ADGRB1: variants seen among roughly 807,000 people sequenced by gnomAD.
The protein encoded by ADGRB1 is adhesion G protein-coupled receptor B1.
Under a neutral mutation model 175.7 loss-of-function variants are expected in ADGRB1, and 36 were observed. The observed-to-expected ratio is 0.20, with a 90% confidence interval of 0.16 to 0.27. The LOEUF is 0.27. ADGRB1 is among the 10% of genes least tolerant of loss of function. The pLI is 1.00. For synonymous variants in ADGRB1, 1,054 were observed against 979.4 expected (o/e 1.08, Z -1.42); for missense variants, 1,731 against 2,255.3 (o/e 0.77, Z 4.71).
At chr8:142,534,186 C>T (rs1365977731) in intron 25 of ADGRB1, among the ~76,000 whole-genome samples, 1 of 152,220 alleles carries the variant, frequency 6.6e-6, no homozygotes, top group Non-Finnish European at 1.5e-5. Flanking sequence ...TGGAGACAGC[C>T]CAGGCTTCGG....
At chr8:142,508,689 G>A (rs946483233) in intron 17 of ADGRB1, among the ~76,000 whole-genome samples, 4 of 152,206 alleles carry the variant, frequency 2.6e-5, no homozygotes, top group African/African-American at 4.8e-5. Context: ...TGGAGCCTGC[G>A]AAGGTCACGT....
chr8:142,457,173 G>T (rs978745581), intron 1 of ADGRB1, among the ~76,000 whole-genome samples: 1 of 152,202 alleles, frequency 6.6e-6, no homozygotes, highest in Middle Eastern at 3.2e-3. Context: ...GTCTGGGACA[G>T]TTGGGTAAGA....
chr8:142,464,503 A>T lies in ADGRB1; in HGVS notation c.305A>T (p.Tyr102Phe), dbSNP rs1276891113. 2 of 1,580,020 alleles carry T rather than the reference A, an allele frequency of 1.3e-6. No individual in the cohort carries two copies. The highest frequency in any genetic ancestry group is 1.7e-6 in the Non-Finnish European group (2 of 1,167,034). Residue 102 changes from tyrosine to phenylalanine, a missense_variant, in exon 2 of 31, where the codon TAC becomes TTC. By Grantham distance (22) the Tyr-to-Phe change is conservative. Around this residue, in one of 8 missense-constraint regions of ADGRB1, gnomAD observed 383 missense variants for 383.1 expected, o/e 1.00. Transcript: ENST00000517894. ...PCSGPGRVRT[Y>F]QFDSFLESTR... ...AGCGGCCCCGGCCGCGTGCGCACCT[A>T]CCAGTTCGACTCCTTCCTCGAGTCC... is the stretch of plus-strand genomic sequence containing the variant.
intron 9 of ADGRB1, among the ~76,000 whole-genome samples, chr8:142,480,667 G>A (rs1841283615): frequency 6.6e-6 from 1 of 152,216 alleles, no homozygotes; most frequent in Non-Finnish European, 1.5e-5. Flanking sequence ...ATCCAGTCCT[G>A]TGGCTCTTGT....
At chr8:142,487,740 G>A (rs984079673) in intron 13 of ADGRB1, among the ~76,000 whole-genome samples, 2 of 152,032 alleles carry the variant, frequency 1.3e-5, no homozygotes, top group South Asian at 2.1e-4. Context: ...GCCCCTAAAC[G>A]TGCTGCCTCA....
chr8:142,453,192 G>C (rs1353763387), intron 1 of ADGRB1, among the ~76,000 whole-genome samples: 1 of 152,172 alleles, frequency 6.6e-6, no homozygotes, highest in Non-Finnish European at 1.5e-5. Context: ...GTCCATGTGT[G>C]GCGCGCATGC....
chr8:142,524,164 C>T lies in ADGRB1; in HGVS notation c.3246-74C>T, dbSNP rs532383643. The stretch of plus-strand genomic sequence containing the variant: ...TGCCACTTCCCAGCTCACCCCTACT[C>T]CTGAGAGGCCGGCAGCACCTCTCTG... On this transcript the variant is annotated intron_variant, in intron 22 of 30. Transcript: ENST00000517894. 409 of 1,501,824 alleles carry T rather than the reference C, an allele frequency of 2.7e-4. 2 individuals carry two copies. In the African/African-American group the frequency reaches 4.1e-3, roughly 15 times the overall value. The allele number at this position is 1,501,824 out of a possible 1,614,324, so 93.0% of individuals were successfully genotyped here.
intron 1 of ADGRB1, among the ~76,000 whole-genome samples, chr8:142,461,547 C>T (rs563035367): frequency 1.3e-5 from 2 of 152,310 alleles, no homozygotes; most frequent in East Asian, 1.9e-4. Context: ...ACTCCGTGCC[C>T]GGCCGCAGGC....
At chr8:142,460,778 T>C (rs10092420) in intron 1 of ADGRB1, among the ~76,000 whole-genome samples, 1,674 of 152,258 alleles carry the variant, frequency 0.011, 38 homozygotes, top group African/African-American at 0.038. Context: ...GCACCTTCCA[T>C]GCCTGGCTGG....
chr8:142,532,584 CTGTT>C (rs1401056843), intron 24 of ADGRB1, among the ~76,000 whole-genome samples: 1 of 152,150 alleles, frequency 6.6e-6, no homozygotes, highest in Non-Finnish European at 1.5e-5. Context: ...GTCAGTCTGT[CTGTT>C]GCCGTCTGTC....
intron 15 of ADGRB1, 53 bp downstream of exon 15, chr8:142,489,163 AG>A (rs1017663015): frequency 6.4e-7 from 1 of 1,553,600 alleles, no homozygotes; most frequent in African/African-American, 1.4e-5. Context: ...TGGGGTGGGC[AG>A]GACCCCAGCC....
In ADGRB1 at chr8:142,489,089, G is replaced by T; in HGVS notation, c.2507G>T (p.Gly836Val). 6.2e-7 allele frequency: 1 copy of T among 1,609,554 alleles called. No homozygotes were observed. Among genetic ancestry groups the T allele is most frequent in the Non-Finnish European group, 8.5e-7 (1 of 1,179,066 alleles). Residue 836 changes from glycine to valine, a missense_variant, in exon 15 of 31, where the codon GGC becomes GTC. By Grantham distance (109) the Gly-to-Val change is moderately radical. Around this residue, in one of 8 missense-constraint regions of ADGRB1, gnomAD observed 388 missense variants for 630.9 expected, o/e 0.61. Coordinates refer to ENST00000517894, the MANE Select transcript of ADGRB1 (RefSeq NM_001702.3). ...VVGTVLYRNL[G>V]SFLALQRNTT... ...GGCACCGTGCTCTACAGGAACCTGG[G>T]CAGCTTCCTGGCCCTGCAGAGGTGG...
At chr8:142,536,894 GCCCGCCCC>G in intron 25 of ADGRB1, 85 bp from the exon 26 acceptor site, 1 of 1,101,316 alleles carries the variant, frequency 9.1e-7, no homozygotes, top group Non-Finnish European at 1.3e-6. Flanking sequence ...TCCCCGAGAC[GCCCGCCCC>G]CCCACAGGTG....
chr8:142,542,157 C>A lies in ADGRB1; in HGVS notation c.3923C>A (p.Thr1308Asn), dbSNP rs1321126012. The change falls in exon 28 of 31, where the codon ACC becomes AAC. Residue 1308 changes from threonine to asparagine, a missense_variant. Physicochemically the swap from Thr to Asn is moderately conservative, Grantham distance 65. Coordinates refer to ENST00000517894, the MANE Select transcript of ADGRB1 (RefSeq NM_001702.3). This position sits in a 1 kb window ranked among gnomAD's most constrained non-coding sequence, Gnocchi z 6.3. ...CCCGACTTCCCCAACCACTCACTGA[C>A]CCTCAAGAGGGACAAGGCGCCCAAG... ...PLPDFPNHSL[T>N]LKRDKAPKSS... The A allele has an allele frequency of 6.2e-7, 1 of 1,613,560 alleles. No individual in the cohort carries two copies. Among genetic ancestry groups the A allele is most frequent in the African/African-American group, 1.3e-5 (1 of 74,926 alleles).
rs958667802 is a variant in ADGRB1, at chr8:142,544,612, G to T, written c.*195G>T. 1 of 581,780 alleles carries T rather than the reference G, an allele frequency of 1.7e-6. No homozygotes were observed. Among genetic ancestry groups the T allele is most frequent in the Non-Finnish European group, 2.6e-6 (1 of 380,230 alleles). The allele number at this position is 581,780 out of a possible 1,614,324, so 36.0% of individuals were successfully genotyped here. On this transcript the variant is annotated 3_prime_UTR_variant, in exon 31 of 31. Coordinates refer to ENST00000517894, the MANE Select transcript of ADGRB1 (RefSeq NM_001702.3). ...CCAGATGCAGGACAGGAGGCGGCCC[G>T]GCCAGCGGGCACAGGGCACCAGAGG...
intron 24 of ADGRB1, among the ~76,000 whole-genome samples, chr8:142,532,301 G>A (rs374585101): frequency 1.3e-5 from 2 of 152,228 alleles, no homozygotes; most frequent in African/African-American, 4.8e-5. Flanking sequence ...CACAGCCCCG[G>A]GAAGCAGGTT....
At chr8:142,528,921 G>A (rs531844335) in intron 24 of ADGRB1, among the ~76,000 whole-genome samples, 40 of 152,320 alleles carry the variant, frequency 2.6e-4, no homozygotes, top group East Asian at 9.7e-4. Flanking sequence ...GCTGCGCTGC[G>A]GTAGGGAAGG....
intron 27 of ADGRB1, among the ~76,000 whole-genome samples, chr8:142,540,671 G>C (rs1486802338): frequency 6.6e-6 from 1 of 152,200 alleles, no homozygotes; most frequent in South Asian, 2.1e-4. Context: ...GGGGAGCAAA[G>C]TGTGAGGTGT....
intron 17 of ADGRB1, among the ~76,000 whole-genome samples, chr8:142,502,239 ATGGTGGTGGTGCTGG>A: frequency 1.8e-5 from 1 of 55,282 alleles, no homozygotes; most frequent in East Asian, 6.7e-4. Context: ...GGTGATGGTG[ATGGTGGTGGTGCTGG>A]TGGTGATGAT....
Sources: gnomAD v4.1 joint callset for allele counts (sites outside exome capture counted in the v4.1 genomes callset) on GRCh38, gnomAD v4.1.1 for gene constraint, gnomAD v4.1.1 regional missense constraint, Gnocchi (gnomAD v3.1) non-coding constraint, MANE v1.5 for transcripts, NCBI Gene and HGNC (gene_info 2026-07-23, HGNC 2026-07-21) for gene names.